RIMS3: variants seen among roughly 807,000 people sequenced by gnomAD.
RIMS3 encodes regulating synaptic membrane exocytosis 3.
A neutral mutation model predicts 29.2 loss-of-function variants in RIMS3; 15 were observed. The ratio of observed to expected loss-of-function variants is 0.51; its 90% CI spans 0.34 to 0.79. The LOEUF (loss-of-function observed/expected upper bound fraction) is 0.79. RIMS3 is among the 30% of genes least tolerant of loss of function. RIMS3 has a pLI of 0.01. For missense variants in RIMS3, 342 were observed against 421.4 expected, an observed-to-expected ratio of 0.81 and a Z score of 1.65; for synonymous variants, 161 against 170.1, an observed-to-expected ratio of 0.95 and a Z score of 0.41.
chr1:40,626,489 C>T lies in RIMS3; in HGVS notation c.*28G>A. On this transcript the variant is annotated 3_prime_UTR_variant, in exon 8 of 8. Coordinates refer to ENST00000372684, the MANE Select transcript of RIMS3 (RefSeq NM_014747.3). ...GGGCCAGCAGGCACCCCTCCCCACA[C>T]CACCATCCTGGCCTCTTCCTGACAT... 6.4e-7 allele frequency: 1 copy of T among 1,569,644 alleles called. No homozygotes were observed. Among genetic ancestry groups the T allele is most frequent in the South Asian group, 1.2e-5 (1 of 86,418 alleles).
intron 1 of RIMS3, among the ~76,000 whole-genome samples, chr1:40,650,863 CAAAAAAAAAAA>C (rs58578342): frequency 2.8e-4 from 18 of 64,562 alleles, no homozygotes; most frequent in African/African-American, 8.4e-4. Flanking sequence ...CAGACTCTGT[CAAAAAAAAAAA>C]AAAAAAAAAA....
chr1:40,664,978 G>A (rs982468036), intron 1 of RIMS3, among the ~76,000 whole-genome samples: 2 of 152,112 alleles, frequency 1.3e-5, no homozygotes, highest in African/African-American at 2.4e-5. Flanking sequence ...ACGGTGTCAC[G>A]TTGAGGAAAA....
intron 3 of RIMS3, among the ~76,000 whole-genome samples, chr1:40,638,459 T>C (rs1442172644): frequency 1.3e-5 from 2 of 152,212 alleles, no homozygotes; most frequent in Admixed American, 6.5e-5. Context: ...GCAATAATTC[T>C]ATGGGCTCCA....
At chr1:40,650,495 A>G (rs183990509) in intron 1 of RIMS3, among the ~76,000 whole-genome samples, 5 of 152,184 alleles carry the variant, frequency 3.3e-5, no homozygotes, top group Admixed American at 1.3e-4. Context: ...TTCCTCTCCT[A>G]TCTCCCAGCC....
At position 40,629,390 on chromosome 1, in the gene RIMS3, G is replaced by C. The variant is rs1216043076; in HGVS notation, c.473-18C>G. 6.2e-7 allele frequency: 1 copy of C among 1,607,394 alleles called. No homozygotes were observed. The highest frequency in any genetic ancestry group is 2.2e-5 in the East Asian group (1 of 44,842). On this transcript the variant is annotated intron_variant, in intron 5 of 7. Transcript: ENST00000372684. ...CACATCTCCTGAAAGGAAGAAGAGG[G>C]TGAGTCCAGGCAGGGCCAGACCAAG...
At chr1:40,637,442 G>C (rs1459273453) in intron 3 of RIMS3, among the ~76,000 whole-genome samples, 3 of 152,006 alleles carry the variant, frequency 2.0e-5, no homozygotes, top group Non-Finnish European at 4.4e-5. Context: ...TGGGATACTG[G>C]AATAGCATAT....
chr1:40,637,812 A>C (rs185010669), intron 3 of RIMS3, among the ~76,000 whole-genome samples: 1 of 152,178 alleles, frequency 6.6e-6, no homozygotes, highest in Non-Finnish European at 1.5e-5. Flanking sequence ...GACTCACCTC[A>C]CACACAGAGG....
intron 1 of RIMS3, among the ~76,000 whole-genome samples, chr1:40,657,871 C>G (rs1356866170): frequency 6.6e-6 from 1 of 151,864 alleles, no homozygotes; most frequent in Non-Finnish European, 1.5e-5. Flanking sequence ...CAAGTCACTG[C>G]ACTCCAGCCT....
At chr1:40,640,419 C>G (rs1272434558) in intron 3 of RIMS3, among the ~76,000 whole-genome samples, 1 of 152,182 alleles carries the variant, frequency 6.6e-6, no homozygotes, top group African/African-American at 2.4e-5. Context: ...AGCCCACGTG[C>G]TACTGTCGAC....
At chr1:40,673,145 A>T in the RIMS3 span, among the ~76,000 whole-genome samples, 1 of 151,966 alleles carries the variant, frequency 6.6e-6, no homozygotes, top group East Asian at 1.9e-4. Flanking sequence ...GCACCACTGC[A>T]CTCCAGCCTG....
upstream of RIMS3, among the ~76,000 whole-genome samples, chr1:40,668,183 G>A (rs569836911): frequency 4.0e-5 from 6 of 151,476 alleles, no homozygotes; most frequent in East Asian, 1.9e-4. Context: ...CCCAGGAGGC[G>A]GAGGTTGCAG....
the RIMS3 span, among the ~76,000 whole-genome samples, chr1:40,685,573 T>A: frequency 6.6e-6 from 1 of 151,698 alleles, no homozygotes; most frequent in African/African-American, 2.4e-5. Context: ...AAGTCACCCA[T>A]CGGAAGAGTA....
intron 4 of RIMS3, among the ~76,000 whole-genome samples, chr1:40,633,993 G>A (rs866688525): frequency 9.2e-5 from 14 of 152,124 alleles, no homozygotes; most frequent in African/African-American, 3.1e-4. Flanking sequence ...TGATAGTTCC[G>A]GTTGCTGCTG....
At chr1:40,691,870 G>C in the RIMS3 span, 1 of 402,144 alleles carries the variant, frequency 2.5e-6, no homozygotes, top group African/African-American at 2.1e-5. Context: ...GAGCAGAGGT[G>C]TGTGAGTGTG....
the RIMS3 span, among the ~76,000 whole-genome samples, chr1:40,688,196 C>G: frequency 2.7e-3 from 413 of 152,266 alleles, 2 homozygotes; most frequent in African/African-American, 9.5e-3. Context: ...AACTCCTGAC[C>G]TCGTGATCTG....
Position 40,629,330 on chromosome 1 carries a change from T to C in RIMS3, c.515A>G (p.Glu172Gly), listed in dbSNP as rs1346048130. Residue 172 changes from glutamate to glycine, a missense_variant, in exon 6 of 8, where the codon GAG becomes GGG. Glu to Gly is a moderately conservative substitution (Grantham distance 98, BLOSUM62 -2). Coordinates refer to ENST00000372684, the MANE Select transcript of RIMS3 (RefSeq NM_014747.3). ...GCCCCGAGCTTCAATCACTTCCACCTCCAGCTGGCCACTCCGGTCCATGAT... is the reference window on the plus strand; with the variant it reads ...GCCCCGAGCTTCAATCACTTCCACCCCCAGCTGGCCACTCCGGTCCATGAT... Reference protein sequence around the residue: ...IAIMDRSGQLEVEVIEARGLT... With the variant: ...IAIMDRSGQLGVEVIEARGLT... 1 of 1,614,068 alleles carries C rather than the reference T, an allele frequency of 6.2e-7. No individual in the cohort carries two copies. The highest frequency in any genetic ancestry group is 1.1e-5 in the South Asian group (1 of 91,078).
chr1:40,681,049 T>C, the RIMS3 span, among the ~76,000 whole-genome samples: 1 of 152,238 alleles, frequency 6.6e-6, no homozygotes, highest in Admixed American at 6.5e-5. Context: ...ACTTAACCTC[T>C]GCAGATACTC....
chr1:40,688,155 G>C, the RIMS3 span, among the ~76,000 whole-genome samples: 1 of 152,230 alleles, frequency 6.6e-6, no homozygotes, highest in Admixed American at 6.5e-5. Context: ...AGTAGAGACG[G>C]GGTTTTACCA....
rs190289138 is a variant in RIMS3 at position 40,638,334 on chromosome 1, C to T, written c.218-2277G>A. The stretch of plus-strand genomic sequence containing the variant: ...AAGCTCTTGCAATCTCAGAGACGAT[C>T]CCTCCACTGGCTTCATACATGTCCA... On this transcript the variant is annotated intron_variant, in intron 3 of 7. Coordinates refer to ENST00000372684, the MANE Select transcript of RIMS3 (RefSeq NM_014747.3). 3.9e-5 allele frequency among the ~76,000 whole-genome samples: 6 copies of T among 152,290 alleles called. No homozygotes were observed. The East Asian group carries it at 9.6e-4, about 24-fold the overall frequency.
Sources: allele counts gnomAD v4.1 joint callset (sites outside exome capture counted in the v4.1 genomes callset), GRCh38; gene constraint gnomAD v4.1.1; transcripts MANE v1.5; gene names NCBI Gene and HGNC (gene_info 2026-07-23, HGNC 2026-07-21).